The following C2CD5 variants were observed in gnomAD, a reference collection of about 807,000 sequenced individuals.
C2CD5 encodes the protein C2 domain-containing protein 5.
C2CD5 carries 109 observed loss-of-function variants against 130.3 expected under a neutral mutation model. The ratio of observed to expected loss-of-function variants is 0.84; its 90% CI spans 0.72 to 0.98. C2CD5 has a LOEUF of 0.98. Among genes scored for constraint, C2CD5 ranks in the 50% least tolerant of loss-of-function variants. The probability of loss-of-function intolerance (pLI) is 0.00; values close to 1 mark genes in which losing one functional copy is unlikely to be tolerated. For missense variants in C2CD5, 996 were observed against 1,261.8 expected (o/e 0.79, Z 3.19); for synonymous variants, 454 against 429.2 (o/e 1.06, Z -0.71).
chr12:22,503,302 A>G (rs755725728), intron 10 of C2CD5, among the ~76,000 whole-genome samples: 51 of 152,202 alleles, frequency 3.4e-4, no homozygotes, highest in Non-Finnish European at 5.4e-4. Context: ...CTCCCTCAGC[A>G]GAGGAACTCA....
At chr12:22,472,469 A>T in intron 17 of C2CD5, 122 bp from the exon 18 acceptor site, 1 of 640,560 alleles carries the variant, frequency 1.6e-6, no homozygotes. Context: ...TTTCTTCTAA[A>T]ACTATACCTG....
chr12:22,500,977 T>C (rs895714336), intron 10 of C2CD5, among the ~76,000 whole-genome samples: 4 of 152,164 alleles, frequency 2.6e-5, no homozygotes, highest in Non-Finnish European at 5.9e-5. Context: ...ATTTTCTACA[T>C]ATGAGAGCAA....
intron 2 of C2CD5, 109 bp from the exon 3 acceptor site, chr12:22,535,453 A>G (rs1472435706): frequency 1.2e-5 from 8 of 645,004 alleles, no homozygotes; most frequent in Non-Finnish European, 2.0e-5. Flanking sequence ...GGGACAAAAG[A>G]CTATTATCCT....
chr12:22,468,721 G>C (rs1942508046), intron 22 of C2CD5, among the ~76,000 whole-genome samples: 1 of 152,134 alleles, frequency 6.6e-6, no homozygotes, highest in African/African-American at 2.4e-5. Flanking sequence ...ACGTTACAAA[G>C]TTCAGAATCT....
At chr12:22,513,421 T>C in intron 8 of C2CD5, 42 bp from the exon 9 acceptor site, 3 of 1,260,856 alleles carry the variant, frequency 2.4e-6, no homozygotes, top group Non-Finnish European at 3.5e-6. Flanking sequence ...AAAAAGCAAC[T>C]ATAGAAACAA....
At chr12:22,504,582 A>G (rs1948246353) in intron 10 of C2CD5, among the ~76,000 whole-genome samples, 1 of 152,234 alleles carries the variant, frequency 6.6e-6, no homozygotes, top group South Asian at 2.1e-4. Flanking sequence ...TGTTGGGATT[A>G]CAGGCGTGAG....
At position 22,482,583 on chromosome 12, in the gene C2CD5, C is replaced by T; in HGVS notation, c.1711G>A (p.Gly571Ser). Residue 571 changes from glycine (G) to serine (S), a missense_variant, in exon 14 of 27, where the codon GGT (glycine) becomes AGT (serine). This residue lies in a region of C2CD5 where 590 missense variants were observed against 631.4 expected (regional missense o/e 0.93). Transcript: ENST00000446597. ...GCTAAGCCCATCAACATATTTTCAC[C>T]CACTGTGATCTGAATTCTTAGTCCA... ...LFGLRIQITV[G>S]ENMLMGLASA... 1 of 1,613,630 alleles carries T rather than the reference C, an allele frequency of 6.2e-7. No individual in the cohort carries two copies. Among genetic ancestry groups the T allele is most frequent in the Non-Finnish European group, 8.5e-7 (1 of 1,179,804 alleles).
intron 16 of C2CD5, among the ~76,000 whole-genome samples, chr12:22,474,452 T>C (rs372962159): frequency 6.6e-6 from 1 of 152,170 alleles, no homozygotes; most frequent in Admixed American, 6.6e-5. Context: ...TGGCACTTCA[T>C]TTAAATTCAT....
chr12:22,457,113 T>C lies in C2CD5; in HGVS notation c.2735A>G (p.Asn912Ser). Reference protein sequence around the residue: ...ASPVGDGNFRNRSAPPCANST... With the variant: ...ASPVGDGNFRSRSAPPCANST... ...ATTTGCACAAGGTGGAGCAGAACGA[T>C]TCCGGAAATTTCCATCACCCACTGG... The change falls in exon 25 of 27, where the codon AAT (asparagine) becomes AGT (serine). Residue 912 changes from asparagine to serine, a missense_variant. Transcript: ENST00000446597. 1 of 1,610,356 alleles carries C rather than the reference T, an allele frequency of 6.2e-7. No individual in the cohort carries two copies. Among genetic ancestry groups the C allele is most frequent in the Admixed American group, 1.7e-5 (1 of 59,284 alleles).
chr12:22,468,041 A>G (rs1410935602), intron 22 of C2CD5, among the ~76,000 whole-genome samples: 2 of 151,218 alleles, frequency 1.3e-5, no homozygotes, highest in Non-Finnish European at 2.9e-5. Flanking sequence ...ATAACAATCA[A>G]TCAAACCTTT....
intron 14 of C2CD5, among the ~76,000 whole-genome samples, chr12:22,480,579 G>A (rs1199145863): frequency 2.6e-5 from 4 of 152,096 alleles, no homozygotes; most frequent in African/African-American, 9.7e-5. Context: ...TAGTTTCCTG[G>A]GGCTCAACCA....
At chr12:22,493,980 A>G (rs1183314222) in intron 10 of C2CD5, among the ~76,000 whole-genome samples, 1 of 152,060 alleles carries the variant, frequency 6.6e-6, no homozygotes, top group Non-Finnish European at 1.5e-5. Flanking sequence ...AATTTCAGAT[A>G]TAACACTCCA....
chr12:22,488,873 T>G lies in C2CD5; in HGVS notation c.1358+1250A>C, dbSNP rs559210053. The stretch of plus-strand genomic sequence containing the variant: ...AACTTGACAAGATACAGAATTTTTT[T>G]GCTTTTTTTTTTTTTTTAAATAGAG... On this transcript the variant is annotated intron_variant, in intron 12 of 26. Transcript: ENST00000446597. 7.6e-4 allele frequency among the ~76,000 whole-genome samples: 115 copies of G among 151,180 alleles called. 1 individual carries two copies. Among genetic ancestry groups the G allele is most frequent in the Non-Finnish European group, 1.4e-3 (96 of 67,734 alleles).
intron 10 of C2CD5, among the ~76,000 whole-genome samples, chr12:22,495,430 C>T (rs958085833): frequency 6.6e-6 from 1 of 152,000 alleles, no homozygotes; most frequent in Admixed American, 6.6e-5. Flanking sequence ...TATGTTATAA[C>T]AATTCCTATG....
intron 9 of C2CD5, 27 bp downstream of exon 9, chr12:22,513,267 G>A: frequency 1.4e-6 from 2 of 1,460,090 alleles, no homozygotes; most frequent in Non-Finnish European, 9.6e-7. Context: ...AACAGTGTAA[G>A]AACAAAGAAT....
chr12:22,539,629 T>G (rs901137299), intron 2 of C2CD5, among the ~76,000 whole-genome samples: 13 of 150,912 alleles, frequency 8.6e-5, no homozygotes, highest in African/African-American at 3.2e-4. Flanking sequence ...TGCAAGAGAG[T>G]TCCCAACAAT....
rs776827218 is a variant in C2CD5 at position 22,449,219 on chromosome 12, T to G, written c.*541A>C. On this transcript the variant is annotated 3_prime_UTR_variant, in exon 27 of 27. Coordinates refer to ENST00000446597, the MANE Select transcript of C2CD5 (RefSeq NM_001286176.2). Reference sequence around the variant, plus strand: ...CAGATACAAGTTCCAGAATTTTAACTTGTTTTCAAAAGATGGCTGAAGCAC... The same window carrying G: ...CAGATACAAGTTCCAGAATTTTAACGTGTTTTCAAAAGATGGCTGAAGCAC... 6.6e-6 allele frequency: 1 copy of G among 152,216 alleles called. No individual in the cohort carries two copies. Among genetic ancestry groups the G allele is most frequent in the Non-Finnish European group, 1.5e-5 (1 of 68,038 alleles). The allele number at this position is 152,216 out of a possible 1,614,324, so 9.4% of individuals were successfully genotyped here.
chr12:22,509,781 A>G (rs1948985065), intron 9 of C2CD5, among the ~76,000 whole-genome samples: 1 of 152,248 alleles, frequency 6.6e-6, no homozygotes, highest in African/African-American at 2.4e-5. Flanking sequence ...GAAAAACTGA[A>G]GTCAAAAGGG....
intron 9 of C2CD5, among the ~76,000 whole-genome samples, chr12:22,509,814 T>C (rs959614621): frequency 6.6e-6 from 1 of 152,212 alleles, no homozygotes; most frequent in Non-Finnish European, 1.5e-5. Context: ...AGATTCTTTA[T>C]AAGCAACAAA....
Sources: gnomAD v4.1 joint callset for allele counts (sites outside exome capture counted in the v4.1 genomes callset) on GRCh38, gnomAD v4.1.1 for gene constraint, gnomAD v4.1.1 regional missense constraint, MANE v1.5 for transcripts, NCBI Gene and HGNC (gene_info 2026-07-23, HGNC 2026-07-21) for gene names.